Variants in PTPRO observed in about 807,000 individuals in gnomAD.
PTPRO encodes the protein receptor-type tyrosine-protein phosphatase O.
A neutral mutation model predicts 145.2 loss-of-function variants in PTPRO; 62 were observed. The observed-to-expected ratio is 0.43, with a 90% CI of 0.35 to 0.53. PTPRO has a LOEUF of 0.53. Among genes scored for constraint, PTPRO ranks in the 20% least tolerant of loss-of-function variants. The pLI is 0.01. For missense variants in PTPRO, 1,345 were observed against 1,482.7 expected (o/e 0.91, Z 1.53); for synonymous variants, 565 against 514.7 (o/e 1.10, Z -1.32).
At chr12:15,452,791 A>G (rs1328517775) in intron 1 of PTPRO, among the ~76,000 whole-genome samples, 1 of 152,158 alleles carries the variant, frequency 6.6e-6, no homozygotes, top group African/African-American at 2.4e-5. Context: ...CACAGAGTTG[A>G]TCAACTTCAT....
rs140777464 is a variant in PTPRO at position 15,385,259 on chromosome 12, A to G, written c.75+62458A>G. Among the ~76,000 whole-genome samples the G allele has an allele frequency of 9.9e-3, 1,511 of 152,300 alleles. 14 individuals are homozygous for G. Among genetic ancestry groups the G allele is most frequent in the Non-Finnish European group, 0.013 (858 of 68,032 alleles). On this transcript the variant is annotated intron_variant, in intron 1 of 26. Transcript: ENST00000281171. The stretch of plus-strand genomic sequence containing the variant: ...AAAATGAATGAATGAGCTGAAGACA[A>G]TAAGGGAAGTCCAGGGAGCAGAGGA...
intron 1 of PTPRO, among the ~76,000 whole-genome samples, chr12:15,386,995 G>A (rs1939047834): frequency 6.6e-6 from 1 of 152,180 alleles, no homozygotes; most frequent in Non-Finnish European, 1.5e-5. Context: ...GTGAGATGAA[G>A]ATTGGAGACT....
chr12:15,574,543 A>G (rs1944136241), intron 19 of PTPRO, among the ~76,000 whole-genome samples: 1 of 152,170 alleles, frequency 6.6e-6, no homozygotes, highest in Admixed American at 6.5e-5. Flanking sequence ...ACAAGAGGTG[A>G]CCTTTGATTT....
At chr12:15,540,107 A>G (rs549966608) in intron 12 of PTPRO, among the ~76,000 whole-genome samples, 1 of 152,286 alleles carries the variant, frequency 6.6e-6, no homozygotes, top group South Asian at 2.1e-4. Context: ...CTCACCCTGA[A>G]TAATTTCTAT....
chr12:15,456,044 G>T (rs953882948), intron 1 of PTPRO, among the ~76,000 whole-genome samples: 1 of 152,128 alleles, frequency 6.6e-6, no homozygotes, highest in African/African-American at 2.4e-5. Flanking sequence ...TCTTTGTCTT[G>T]TTCTGGATTT....
intron 1 of PTPRO, chr12:15,348,714 G>C (rs922399234): frequency 3.9e-5 from 6 of 152,120 alleles, no homozygotes; most frequent in African/African-American, 1.4e-4. Context: ...GTGAACCCCG[G>C]GGGGCGGAGC....
chr12:15,446,482 T>C (rs1418157786), intron 1 of PTPRO, among the ~76,000 whole-genome samples: 1 of 151,964 alleles, frequency 6.6e-6, no homozygotes, highest in East Asian at 1.9e-4. Flanking sequence ...CCTGGAAATA[T>C]AAGTAGGAAA....
intron 1 of PTPRO, among the ~76,000 whole-genome samples, chr12:15,461,607 C>T (rs868226781): frequency 5.6e-5 from 8 of 142,554 alleles, no homozygotes; most frequent in African/African-American, 1.1e-4. Context: ...CTCGCTCTGT[C>T]GCCAGGCTGG....
At chr12:15,521,597 C>T (rs16910926) in intron 10 of PTPRO, among the ~76,000 whole-genome samples, 65,089 of 151,928 alleles carry the variant, frequency 0.43, 14,425 homozygotes, top group African/African-American at 0.52. Flanking sequence ...TGCTCAATTC[C>T]AGCTGTCAAA....
At chr12:15,439,617 A>G (rs1480211202) in intron 1 of PTPRO, 1 of 292,230 alleles carries the variant, frequency 3.4e-6, no homozygotes, top group Admixed American at 4.3e-5. Context: ...AGGTTTTGGC[A>G]GTGGCATCTG....
In PTPRO at chr12:15,597,973, C is replaced by T. The variant is rs1266815065; in HGVS notation, c.*1900C>T. Among the ~76,000 whole-genome samples the T allele has an allele frequency of 6.6e-6, 1 of 152,176 alleles. No individual in the cohort carries two copies. Among genetic ancestry groups the T allele is most frequent in the South Asian group, 2.1e-4 (1 of 4,830 alleles). Reference sequence around the variant, plus strand: ...ATACAATGTATGGTAAGCTGAAGTACGTTTCCAACACTGCTGCTCAGAGCA... The same window carrying T: ...ATACAATGTATGGTAAGCTGAAGTATGTTTCCAACACTGCTGCTCAGAGCA... On this transcript the variant is annotated 3_prime_UTR_variant, in exon 27 of 27. Transcript: ENST00000281171.
At chr12:15,347,126 C>A (rs1205585276) in intron 1 of PTPRO, among the ~76,000 whole-genome samples, 1 of 152,140 alleles carries the variant, frequency 6.6e-6, no homozygotes, top group Non-Finnish European at 1.5e-5. Context: ...TTCCTGACCT[C>A]CTCTCCTTTA....
At chr12:15,347,475 T>C (rs1867262165) in intron 1 of PTPRO, among the ~76,000 whole-genome samples, 1 of 152,206 alleles carries the variant, frequency 6.6e-6, no homozygotes, top group South Asian at 2.1e-4. Flanking sequence ...AAATATACTC[T>C]TTCCTCACCT....
chr12:15,500,658 A>T (rs1942202027), intron 4 of PTPRO, among the ~76,000 whole-genome samples: 1 of 152,234 alleles, frequency 6.6e-6, no homozygotes, highest in African/African-American at 2.4e-5. Context: ...ACGGTGGCTC[A>T]TGCCTGTAAT....
At chr12:15,360,057 T>C (rs574848611) in intron 1 of PTPRO, among the ~76,000 whole-genome samples, 1 of 152,336 alleles carries the variant, frequency 6.6e-6, no homozygotes, top group South Asian at 2.1e-4. Flanking sequence ...AATCAACTTA[T>C]CGCAGAGATT....
intron 1 of PTPRO, among the ~76,000 whole-genome samples, chr12:15,403,820 GAC>G (rs147880268): frequency 1.3e-5 from 2 of 151,224 alleles, no homozygotes; most frequent in Non-Finnish European, 3.0e-5. Flanking sequence ...ACATAGAATA[GAC>G]ACACACACAC....
At chr12:15,361,065 A>G (rs1343430815) in intron 1 of PTPRO, among the ~76,000 whole-genome samples, 1 of 151,638 alleles carries the variant, frequency 6.6e-6, no homozygotes, top group Non-Finnish European at 1.5e-5. Flanking sequence ...GAAAATTTGT[A>G]TATATTGAAA....
At position 15,520,325 on chromosome 12, in the gene PTPRO, T is replaced by C; in HGVS notation, c.1891+13T>C. On this transcript the variant is annotated intron_variant, in intron 10 of 26. Coordinates refer to ENST00000281171, the MANE Select transcript of PTPRO (RefSeq NM_030667.3). ...AGCTTCATAACAGGTGAGGCATGTG[T>C]GGGGAACAGTTCCACAAGGAGAGAG... The C allele has an allele frequency of 1.3e-6, 2 of 1,571,874 alleles. No homozygotes were observed. The highest frequency in any genetic ancestry group is 1.8e-6 in the Non-Finnish European group (2 of 1,141,848).
chr12:15,367,541 C>T (rs1938399014), intron 1 of PTPRO, among the ~76,000 whole-genome samples: 1 of 152,150 alleles, frequency 6.6e-6, no homozygotes, highest in South Asian at 2.1e-4. Context: ...ATATCTTCAA[C>T]CTGAGCTTCC....
Sources: gnomAD v4.1 joint callset for allele counts (sites outside exome capture counted in the v4.1 genomes callset) on GRCh38, gnomAD v4.1.1 for gene constraint, MANE v1.5 for transcripts, NCBI Gene and HGNC (gene_info 2026-07-23, HGNC 2026-07-21) for gene names.